GUF1: variants seen among roughly 807,000 people sequenced by gnomAD.
The protein encoded by GUF1 is GTP binding elongation factor GUF1.
In GUF1, 78 loss-of-function variants were observed where a neutral mutation model predicts 82.4. That is an observed-to-expected ratio of 0.95 (90% CI 0.79 to 1.14). GUF1 has a LOEUF of 1.14. Among genes scored for constraint, GUF1 ranks in the 50% most tolerant of loss-of-function variants. The probability of loss-of-function intolerance (pLI) is 0.00; values close to 1 mark genes in which losing one functional copy is unlikely to be tolerated. For missense variants in GUF1, 814 were observed against 798.2 expected, an observed-to-expected ratio of 1.02 and a Z score of -0.24; for synonymous variants, 279 against 282.3, an observed-to-expected ratio of 0.99 and a Z score of 0.12.
At chr4:44,683,761 G>A (rs1714897342) in intron 6 of GUF1, among the ~76,000 whole-genome samples, 2 of 151,996 alleles carry the variant, frequency 1.3e-5, no homozygotes, top group African/African-American at 4.8e-5. Context: ...TGTAGTGCTA[G>A]GAAACAATAG....
intron 6 of GUF1, among the ~76,000 whole-genome samples, chr4:44,684,955 AT>A (rs1397418420): frequency 5.9e-5 from 9 of 152,110 alleles, no homozygotes; most frequent in Admixed American, 5.9e-4. Context: ...GAAAAAACAC[AT>A]AATTGGATGC....
chr4:44,690,953 A>G, intron 12 of GUF1, 93 bp downstream of exon 12: 1 of 839,944 alleles, frequency 1.2e-6, no homozygotes, highest in East Asian at 2.6e-5. Flanking sequence ...CTTTCTGCTG[A>G]GCATACTGAA....
At chr4:44,680,901 A>C in intron 3 of GUF1, 59 bp downstream of exon 3, 1 of 1,409,238 alleles carries the variant, frequency 7.1e-7, no homozygotes, top group South Asian at 1.2e-5. Flanking sequence ...CAGTAGTGCA[A>C]ACAGATCCTT....
At chr4:44,695,261 G>A (rs1715730045) in intron 14 of GUF1, among the ~76,000 whole-genome samples, 2 of 152,068 alleles carry the variant, frequency 1.3e-5, no homozygotes, top group African/African-American at 4.8e-5. Context: ...AATATAAAGA[G>A]GGTAGAATAT....
At chr4:44,690,233 T>A (rs1715347647) in intron 11 of GUF1, among the ~76,000 whole-genome samples, 1 of 151,868 alleles carries the variant, frequency 6.6e-6, no homozygotes, top group South Asian at 2.1e-4. Context: ...ACTAGTCTAT[T>A]GCTGATAGTA....
intron 1 of GUF1, among the ~76,000 whole-genome samples, chr4:44,679,345 G>A (rs1714632678): frequency 1.3e-5 from 2 of 152,168 alleles, no homozygotes; most frequent in South Asian, 4.1e-4. Context: ...CTCAGCCAGA[G>A]CAAACCTGTG....
At position 44,691,681 on chromosome 4, in the gene GUF1, C is replaced by G. The variant is rs1715454370; in HGVS notation, c.1495C>G (p.Gln499Glu). 2 of 1,591,076 alleles carry G rather than the reference C, an allele frequency of 1.3e-6. No individual in the cohort carries two copies. The highest frequency in any genetic ancestry group is 1.4e-5 in the African/African-American group (1 of 73,884). Residue 499 changes from glutamine to glutamate, a missense_variant, in exon 13 of 17, where the codon CAG becomes GAG. Gln to Glu is a conservative substitution (Grantham distance 29, BLOSUM62 2). Coordinates refer to ENST00000281543, the MANE Select transcript of GUF1 (RefSeq NM_021927.3). ...MMLCEARRAVQKNMIFIDQNR... is the reference protein window; with the variant it reads ...MMLCEARRAVEKNMIFIDQNR... ...CCCTTTTTAGGCTCGAAGAGCAGTTCAGAAGAATATGATATTTATTGATCA... is the reference window on the plus strand; with the variant it reads ...CCCTTTTTAGGCTCGAAGAGCAGTTGAGAAGAATATGATATTTATTGATCA...
At chr4:44,698,416 TAG>T (rs1577786282) in intron 16 of GUF1, 126 bp from the exon 17 acceptor site, 1 of 664,250 alleles carries the variant, frequency 1.5e-6, no homozygotes, top group African/African-American at 1.9e-5. Flanking sequence ...CTAGGAAGAT[TAG>T]AGAGATGTCT....
Position 44,678,514 on chromosome 4 carries a change from C to T in GUF1, c.-109C>T, listed in dbSNP as rs570234579. 25 of 844,922 alleles carry T rather than the reference C, an allele frequency of 3.0e-5. No homozygotes were observed. The highest frequency in any genetic ancestry group is 3.8e-5 in the Non-Finnish European group (23 of 602,552). 52.3% of individuals were successfully genotyped at this position (844,922 alleles called of 1,614,324 possible). On this transcript the variant is annotated 5_prime_UTR_variant, in exon 1 of 17. Transcript: ENST00000281543. Reference sequence around the variant, plus strand: ...GTTCATTGTCTTCGCTTCACAGGATCTGTTTGAGTCCTGTCCACCGGATCC... The same window carrying T: ...GTTCATTGTCTTCGCTTCACAGGATTTGTTTGAGTCCTGTCCACCGGATCC...
Position 44,690,844 on chromosome 4 carries a change from T to C in GUF1, c.1463T>C (p.Ile488Thr). 1.3e-6 allele frequency: 2 copies of C among 1,594,504 alleles called. No individual in the cohort carries two copies. Among genetic ancestry groups the C allele is most frequent in the Non-Finnish European group, 1.7e-6 (2 of 1,169,772 alleles). ...IITPDEYTGK[I>T]MMLCEARRAV... Reference sequence around the variant, plus strand: ...ACACCAGATGAATACACTGGAAAAATAATGATGCTTTGCGAGGTATAACTA... The same window carrying C: ...ACACCAGATGAATACACTGGAAAAACAATGATGCTTTGCGAGGTATAACTA... Residue 488 changes from isoleucine (I) to threonine (T), a missense_variant, in exon 12 of 17, where the codon ATA becomes ACA. Coordinates refer to ENST00000281543, the MANE Select transcript of GUF1 (RefSeq NM_021927.3).
At chr4:44,690,143 T>C (rs567430855) in intron 11 of GUF1, among the ~76,000 whole-genome samples, 168 bp downstream of exon 11, 8 of 106,684 alleles carry the variant, frequency 7.5e-5, no homozygotes, top group Non-Finnish European at 2.0e-4. Flanking sequence ...AATTACCCTA[T>C]GGCTAATGAT....
At chr4:44,697,348 G>A in intron 15 of GUF1, 60 bp from the exon 16 acceptor site, 3 of 977,386 alleles carry the variant, frequency 3.1e-6, no homozygotes, top group South Asian at 3.5e-5. Context: ...TTTTGGTAAG[G>A]AAGTGCTTTT....
chr4:44,686,578 G>T lies in GUF1; in HGVS notation c.803G>T (p.Gly268Val). 6.2e-7 allele frequency: 1 copy of T among 1,612,430 alleles called. No individual in the cohort carries two copies. The highest frequency in any genetic ancestry group is 1.7e-4 in the Middle Eastern group (1 of 6,054). Residue 268 changes from glycine to valine, a missense_variant, in exon 8 of 17, where the codon GGT becomes GTT. Gly to Val is a moderately radical substitution (Grantham distance 109, BLOSUM62 -3). Coordinates refer to ENST00000281543, the MANE Select transcript of GUF1 (RefSeq NM_021927.3). The stretch of plus-strand genomic sequence containing the variant: ...GACTCCACCTTTGACCAGTATAGAG[G>T]TGTGATAGCCAATGTAGCATTATTT... ...VFDSTFDQYRGVIANVALFDG... is the reference protein window; with the variant it reads ...VFDSTFDQYRVVIANVALFDG...
rs773410288 is a variant in GUF1 at position 44,691,698 on chromosome 4, T to TATTGATCAAAATAGATATCATA, written c.1527_1528insTATCATAATTGATCAAAATAGA (p.Val510TyrfsTer4). On this transcript the variant is annotated frameshift_variant, in exon 13 of 17. Coordinates refer to ENST00000281543, the MANE Select transcript of GUF1 (RefSeq NM_021927.3). LOFTEE classifies it high-confidence loss of function. ...GAGCAGTTCAGAAGAATATGATATT[T>TATTGATCAAAATAGATATCATA]ATTGATCAAAATAGAGTTATGCTTA... 567 of 1,591,770 alleles carry TATTGATCAAAATAGATATCATA rather than the reference T, an allele frequency of 3.6e-4. 1 individual carries two copies. The highest frequency in any genetic ancestry group is 1.6e-3 in the Admixed American group (93 of 58,160).
At chr4:44,690,482 T>C (rs188123137) in intron 11 of GUF1, among the ~76,000 whole-genome samples, 54 of 151,948 alleles carry the variant, frequency 3.6e-4, no homozygotes, top group Non-Finnish European at 7.2e-4. Flanking sequence ...ATTAACTTAT[T>C]AGACTATAAT....
chr4:44,689,456 G>T, intron 10 of GUF1, 47 bp downstream of exon 10: 3 of 1,509,048 alleles, frequency 2.0e-6, no homozygotes, highest in Non-Finnish European at 2.7e-6. Context: ...GGTGTAAATG[G>T]TGTATTTTAA....
chr4:44,686,429 C>T (rs1715053642), intron 7 of GUF1, 81 bp from the exon 8 acceptor site: 1 of 836,384 alleles, frequency 1.2e-6, no homozygotes, highest in Non-Finnish European at 1.8e-6. Flanking sequence ...AACTCAAGTA[C>T]AATATCTAAG....
At chr4:44,695,960 G>A (rs1365844849) in intron 15 of GUF1, among the ~76,000 whole-genome samples, 2 of 152,118 alleles carry the variant, frequency 1.3e-5, no homozygotes, top group Non-Finnish European at 2.9e-5. Flanking sequence ...ACGTATACGA[G>A]TTTGAGGAAC....
At position 44,698,931 on chromosome 4, in the gene GUF1, G is replaced by C. The variant is rs1352848468; in HGVS notation, c.*250G>C. On this transcript the variant is annotated 3_prime_UTR_variant, in exon 17 of 17. Coordinates refer to ENST00000281543, the MANE Select transcript of GUF1 (RefSeq NM_021927.3). ...CAGATTAACCTTTGTTTCCTCTTCA[G>C]TAAAATCGAGATTATACTACTACCT... is the stretch of plus-strand genomic sequence containing the variant. 5.6e-6 allele frequency: 2 copies of C among 355,484 alleles called. No homozygotes were observed. The highest frequency in any genetic ancestry group is 5.1e-6 in the Non-Finnish European group (1 of 196,674). The allele number at this position is 355,484 out of a possible 1,614,324, so 22.0% of individuals were successfully genotyped here. A position where few individuals can be genotyped will look rare whatever the true frequency, so the allele number is the denominator to read the frequency against.
Sources: gnomAD v4.1 joint callset for allele counts (sites outside exome capture counted in the v4.1 genomes callset) on GRCh38, gnomAD v4.1.1 for gene constraint, MANE v1.5 for transcripts, NCBI Gene and HGNC (gene_info 2026-07-23, HGNC 2026-07-21) for gene names.